Variants in MYO15A observed in about 807,000 individuals in gnomAD.
The protein encoded by MYO15A is myosin XVA, also known as unconventional myosin-XV.
MYO15A carries 308 observed loss-of-function variants against 394.6 expected under a neutral mutation model. The observed-to-expected ratio is 0.78, with a 90% CI of 0.71 to 0.86. The LOEUF is 0.86. Ranked by LOEUF, MYO15A falls within the 40% of genes least tolerant of loss-of-function variation. MYO15A has a pLI of 0.00. For missense variants in MYO15A, 4,606 were observed against 4,799.1 expected (o/e 0.96, Z 1.19); for synonymous variants, 1,957 against 2,003.8 (o/e 0.98, Z 0.62).
At position 18,161,403 on chromosome 17, in the gene MYO15A, G is replaced by A. The variant is rs377479548; in HGVS notation, c.9473G>A (p.Arg3158His). 8.1e-6 allele frequency: 13 copies of A among 1,614,018 alleles called. No individual in the cohort carries two copies. In the East Asian group the frequency reaches 1.3e-4, roughly 17 times the overall value. ...GAGGTCCTCCACCCACACCTCACTC[G>A]CTTCCTCCAAGACGTGAGCCGGACC... ...CSEVLHPHLT[R>H]FLQDVSRTPG... The change falls in exon 57 of 66, where the codon CGC becomes CAC. Residue 3158 changes from arginine (R) to histidine (H), a missense_variant. By Grantham distance (29) the Arg-to-His change is conservative. Around this residue, in one of 2 missense-constraint regions of MYO15A, gnomAD observed 2,776 missense variants for 3,109.3 expected, o/e 0.89. Transcript: ENST00000647165.
chr17:18,155,050 C>A, intron 45 of MYO15A, 60 bp from the exon 46 acceptor site: 1 of 1,510,890 alleles, frequency 6.6e-7, no homozygotes, highest in Non-Finnish European at 9.1e-7. Flanking sequence ...CTGACATCCC[C>A]GAGATGGGGG....
intron 11 of MYO15A, 129 bp from the exon 12 acceptor site, chr17:18,133,096 C>G: frequency 1.1e-6 from 1 of 916,452 alleles, no homozygotes; most frequent in Non-Finnish European, 1.7e-6. Flanking sequence ...CCTCCGTGCC[C>G]ATGAGAGTGA....
In MYO15A at chr17:18,150,548, G is replaced by T; in HGVS notation, c.7327+5G>T. 1 of 1,614,144 alleles carries T rather than the reference G, an allele frequency of 6.2e-7. No individual in the cohort carries two copies. Among genetic ancestry groups the T allele is most frequent in the Non-Finnish European group, 8.5e-7 (1 of 1,179,982 alleles). ...GACCCCCAGAGCCAAAGCCAAGTCA[G>T]TGCCTCCCCAGGGTGGTTCCAGGGT... is the stretch of plus-strand genomic sequence containing the variant. On this transcript the variant is annotated splice_donor_5th_base_variant and intron_variant, in intron 36 of 65. Transcript: ENST00000647165. The surrounding 1 kb of genome is among the most constrained non-coding windows in gnomAD (Gnocchi z 4.4).
chr17:18,178,429 G>C, intron 65 of MYO15A: 1 of 457,222 alleles, frequency 2.2e-6, no homozygotes, highest in South Asian at 2.1e-5. Context: ...CCACAGCCCT[G>C]TCTGTGAGGC....
rs1251161014 is a variant in MYO15A at position 18,119,094 on chromosome 17, G to A, written c.294G>A (p.Ala98=). The part of the protein sequence containing the change: ...TQMRMGKKKR[A]MKGKKPSFMV... Reference sequence around the variant, plus strand: ...TGCGCATGGGCAAGAAGAAGCGGGCGATGAAGGGCAAGAAGCCGTCCTTCA... The same window carrying A: ...TGCGCATGGGCAAGAAGAAGCGGGCAATGAAGGGCAAGAAGCCGTCCTTCA... The change falls in exon 2 of 66, where the codon GCG becomes GCA. Residue 98 remains alanine, a synonymous_variant. Coordinates refer to ENST00000647165, the MANE Select transcript of MYO15A (RefSeq NM_016239.4). 5 of 1,611,788 alleles carry A rather than the reference G, an allele frequency of 3.1e-6. No homozygotes were observed. Among genetic ancestry groups the A allele is most frequent in the African/African-American group, 1.3e-5 (1 of 74,928 alleles).
rs1454847241 is a variant in MYO15A, at chr17:18,121,078, G to A, written c.2278G>A (p.Ala760Thr). 1 of 1,505,970 alleles carries A rather than the reference G, an allele frequency of 6.6e-7. No individual in the cohort carries two copies. The highest frequency in any genetic ancestry group is 2.1e-5 in the Admixed American group (1 of 48,650). 93.3% of individuals were successfully genotyped at this position (1,505,970 alleles called of 1,614,324 possible). The change falls in exon 2 of 66, where the codon GCC becomes ACC. Residue 760 changes from alanine (A) to threonine (T), a missense_variant. By Grantham distance (58) the Ala-to-Thr change is moderately conservative (BLOSUM62 0). This residue lies in a region of MYO15A where 1,830 missense variants were observed against 1,689.7 expected (regional missense o/e 1.08). Transcript: ENST00000647165. This position sits in a 1 kb window ranked among gnomAD's most constrained non-coding sequence, Gnocchi z 5.3. The stretch of plus-strand genomic sequence containing the variant: ...AGGGGCGGCTTTCGGCTTCCCCGGG[G>A]CCTCTCCACGGGCGTCGCGGAGGCG... The part of the protein sequence containing the change: ...RRGAAFGFPG[A>T]SPRASRRRAW...
At chr17:18,113,889 C>G (rs2045753667) in intron 1 of MYO15A, among the ~76,000 whole-genome samples, 2 of 151,220 alleles carry the variant, frequency 1.3e-5, no homozygotes, top group Admixed American at 6.6e-5. Flanking sequence ...ACAGGCTGAT[C>G]TGCAGCCTGC....
chr17:18,161,429 C>T lies in MYO15A; in HGVS notation c.9499C>T (p.Pro3167Ser). 1 of 1,613,968 alleles carries T rather than the reference C, an allele frequency of 6.2e-7. No homozygotes were observed. The highest frequency in any genetic ancestry group is 8.5e-7 in the Non-Finnish European group (1 of 1,180,042). ...CTTCCTCCAAGACGTGAGCCGGACC[C>T]CAGGCCTGCCCTTTCAGGGTGAGAG... Reference protein sequence around the residue: ...TRFLQDVSRTPGLPFQGIAKA... With the variant: ...TRFLQDVSRTSGLPFQGIAKA... Residue 3167 changes from proline (P) to serine (S), a missense_variant, in exon 57 of 66, where the codon CCA becomes TCA. By Grantham distance (74) the Pro-to-Ser change is moderately conservative. Around this residue, in one of 2 missense-constraint regions of MYO15A, gnomAD observed 2,776 missense variants for 3,109.3 expected, o/e 0.89. Transcript: ENST00000647165.
chr17:18,121,918 C>T lies in MYO15A; in HGVS notation c.3118C>T (p.Pro1040Ser). Residue 1040 changes from proline to serine, a missense_variant, in exon 2 of 66, where the codon CCC becomes TCC. By Grantham distance (74) the Pro-to-Ser change is moderately conservative. Around this residue, in one of 2 missense-constraint regions of MYO15A, gnomAD observed 1,830 missense variants for 1,689.7 expected, o/e 1.08. Transcript: ENST00000647165. The surrounding 1 kb of genome is among the most constrained non-coding windows in gnomAD (Gnocchi z 5.3). ...PTPAPPKDVT[P>S]PKDITPPKDV... ...CCCAGCACCTCCCAAGGATGTCACT[C>T]CCCCCAAGGATATCACTCCCCCCAA... 3 of 1,613,158 alleles carry T rather than the reference C, an allele frequency of 1.9e-6. No homozygotes were observed. Among genetic ancestry groups the T allele is most frequent in the Non-Finnish European group, 1.7e-6 (2 of 1,179,908 alleles).
At position 18,148,016 on chromosome 17, in the gene MYO15A, T is replaced by C. The variant is rs780042228; in HGVS notation, c.6510-13T>C. On this transcript the variant is annotated splice_polypyrimidine_tract_variant and intron_variant, in intron 30 of 65. Transcript: ENST00000647165. This position sits in a 1 kb window ranked among gnomAD's most constrained non-coding sequence, Gnocchi z 4.8. ...GATCCTTCTTGATCCTGGCTCCAAC[T>C]CCTACCCATCAGGTTTGTGTCTGAT... 2.5e-6 allele frequency: 4 copies of C among 1,613,988 alleles called. No individual in the cohort carries two copies. In the South Asian group the frequency reaches 3.3e-5, roughly 13 times the overall value.
chr17:18,178,709 A>G, intron 65 of MYO15A, 60 bp from the exon 66 acceptor site: 1 of 1,511,872 alleles, frequency 6.6e-7, no homozygotes, highest in Non-Finnish European at 9.2e-7. Flanking sequence ...TGTACTTCCC[A>G]CCCCAAGGTA....
intron 48 of MYO15A, 97 bp downstream of exon 48, chr17:18,156,433 C>T: frequency 7.1e-7 from 1 of 1,412,288 alleles, no homozygotes. Flanking sequence ...CCATAGATTT[C>T]TGTCTACCTT....
At chr17:18,142,345 C>T (rs1382051472) in intron 24 of MYO15A, 91 bp downstream of exon 24, 1 of 1,443,634 alleles carries the variant, frequency 6.9e-7, no homozygotes, top group Non-Finnish European at 9.5e-7. Flanking sequence ...CTCCCTATCC[C>T]TGGAGGCATG....
intron 30 of MYO15A, among the ~76,000 whole-genome samples, chr17:18,146,340 C>T (rs1020291869): frequency 1.2e-4 from 18 of 152,322 alleles, no homozygotes; most frequent in African/African-American, 4.3e-4. Flanking sequence ...ACTTCCAGAA[C>T]TCAGAGTGGG....
At chr17:18,139,633 T>C (rs1417919854) in intron 19 of MYO15A, 22 bp downstream of exon 19, 25 of 1,612,612 alleles carry the variant, frequency 1.6e-5, no homozygotes, top group Non-Finnish European at 1.9e-5. Context: ...CTCCCACCGC[T>C]CTGGCCCTGC....
chr17:18,136,983 T>C (rs146645124), intron 15 of MYO15A, among the ~76,000 whole-genome samples: 6 of 152,306 alleles, frequency 3.9e-5, no homozygotes, highest in East Asian at 3.9e-4. Context: ...GAAGGCTTCC[T>C]GGATGAGGAT....
Position 18,167,619 on chromosome 17 carries a change from C to T in MYO15A, c.9978C>T (p.Phe3326=), listed in dbSNP as rs1448197818. The change falls in exon 62 of 66, where the codon TTC becomes TTT. Residue 3326 remains phenylalanine (F), a synonymous_variant. Coordinates refer to ENST00000647165, the MANE Select transcript of MYO15A (RefSeq NM_016239.4). The part of the protein sequence containing the change: ...QVLPDYLKGL[F]SSVPASRPSE... Reference sequence around the variant, plus strand: ...TGCCTGACTACCTGAAGGGACTCTTCAGCAGTGTGCCGGCCAGCCGGCCCA... The same window carrying T: ...TGCCTGACTACCTGAAGGGACTCTTTAGCAGTGTGCCGGCCAGCCGGCCCA... The T allele has an allele frequency of 6.2e-7, 1 of 1,603,604 alleles. No homozygotes were observed. Among genetic ancestry groups the T allele is most frequent in the Non-Finnish European group, 8.5e-7 (1 of 1,179,936 alleles).
In MYO15A at chr17:18,147,295, T is replaced by C. The variant is rs977569330; in HGVS notation, c.6510-734T>C. 6.6e-6 allele frequency among the ~76,000 whole-genome samples: 1 copy of C among 152,178 alleles called. No individual in the cohort carries two copies. The highest frequency in any genetic ancestry group is 2.4e-5 in the African/African-American group (1 of 41,438). ...TAGGCCAGCATGCAGCAAATGGACA[T>C]CACCTGGCCAGTCTTGTGACTCTGT... On this transcript the variant is annotated intron_variant, in intron 30 of 65. Coordinates refer to ENST00000647165, the MANE Select transcript of MYO15A (RefSeq NM_016239.4). The surrounding 1 kb of genome is among the most constrained non-coding windows in gnomAD (Gnocchi z 4.4).
At position 18,148,516 on chromosome 17, in the gene MYO15A, G is replaced by T; in HGVS notation, c.6712G>T (p.Val2238Leu). The change falls in exon 32 of 66, where the codon GTG (valine) becomes TTG (leucine). Residue 2238 changes from valine (V) to leucine (L), a missense_variant. Val to Leu is a conservative substitution (Grantham distance 32, BLOSUM62 1). Around this residue, in one of 2 missense-constraint regions of MYO15A, gnomAD observed 2,776 missense variants for 3,109.3 expected, o/e 0.89. Coordinates refer to ENST00000647165, the MANE Select transcript of MYO15A (RefSeq NM_016239.4). The surrounding 1 kb of genome is among the most constrained non-coding windows in gnomAD (Gnocchi z 4.8). ...CCCAGGTGACCAGTTCTCCTGCCCG[G>T]TGCACTCCTGGAGTACGGGGGAAGA... Reference protein sequence around the residue: ...CFNGDQFSCPVHSWSTGEEVA... With the variant: ...CFNGDQFSCPLHSWSTGEEVA... The T allele has an allele frequency of 6.4e-7, 1 of 1,552,712 alleles. No homozygotes were observed. The highest frequency in any genetic ancestry group is 8.7e-7 in the Non-Finnish European group (1 of 1,147,482).
Sources: allele counts gnomAD v4.1 joint callset (sites outside exome capture counted in the v4.1 genomes callset), GRCh38; gene constraint gnomAD v4.1.1; regional missense constraint gnomAD v4.1.1; non-coding constraint Gnocchi (gnomAD v3.1); transcripts MANE v1.5; gene names NCBI Gene and HGNC (gene_info 2026-07-23, HGNC 2026-07-21).